Variants in MLLT10 observed in about 807,000 individuals in gnomAD.
MLLT10 encodes protein AF-10.
MLLT10 carries 30 observed loss-of-function variants against 129.1 expected under a neutral mutation model. The ratio of observed to expected loss-of-function variants is 0.23; its 90% CI spans 0.17 to 0.32. The LOEUF (loss-of-function observed/expected upper bound fraction) is 0.32. Ranked by LOEUF, MLLT10 falls within the 10% of genes least tolerant of loss-of-function variation. MLLT10 has a pLI of 1.00. For missense variants in MLLT10, 1,119 were observed against 1,268.3 expected (o/e 0.88, Z 1.79); for synonymous variants, 490 against 446.4 (o/e 1.10, Z -1.23).
chr10:21,586,577 A>AT (rs2042004867), intron 4 of MLLT10, among the ~76,000 whole-genome samples: 1 of 152,162 alleles, frequency 6.6e-6, no homozygotes. Flanking sequence ...TATTAAATAC[A>AT]TACTTCTAAT....
chr10:21,561,302 A>C (rs1184336302), intron 3 of MLLT10, among the ~76,000 whole-genome samples: 1 of 152,114 alleles, frequency 6.6e-6, no homozygotes, highest in Non-Finnish European at 1.5e-5. Flanking sequence ...GCTGGAGTGC[A>C]GTGGTGAGAT....
intron 3 of MLLT10, among the ~76,000 whole-genome samples, chr10:21,561,716 G>A (rs1255039412): frequency 1.3e-5 from 2 of 152,132 alleles, no homozygotes; most frequent in Non-Finnish European, 2.9e-5. Context: ...AATGATACTG[G>A]CACTTTTGTT....
intron 8 of MLLT10, among the ~76,000 whole-genome samples, chr10:21,635,425 C>T (rs2047364654): frequency 6.6e-6 from 1 of 152,060 alleles, no homozygotes; most frequent in African/African-American, 2.4e-5. Context: ...GGCTGGAGTG[C>T]AGTGGCATGA....
chr10:21,727,943 C>T lies in MLLT10; in HGVS notation c.2063+15C>T. 2 of 1,611,586 alleles carry T rather than the reference C, an allele frequency of 1.2e-6. No homozygotes were observed. Among genetic ancestry groups the T allele is most frequent in the Non-Finnish European group, 1.7e-6 (2 of 1,178,044 alleles). Reference sequence around the variant, plus strand: ...CTCTCGCCACGGTAAGCGCTATTTACACTGCAAAGTATAGGCAAAGGAAAC... The same window carrying T: ...CTCTCGCCACGGTAAGCGCTATTTATACTGCAAAGTATAGGCAAAGGAAAC... On this transcript the variant is annotated intron_variant, in intron 16 of 22. Coordinates refer to ENST00000307729, the MANE Select transcript of MLLT10 (RefSeq NM_001195626.3).
intron 3 of MLLT10, 111 bp from the exon 4 acceptor site, chr10:21,586,183 C>G (rs1242214951): frequency 2.4e-6 from 2 of 825,406 alleles, no homozygotes; most frequent in Non-Finnish European, 4.0e-6. Flanking sequence ...TGGGGGGCAA[C>G]TAGGACAAAT....
chr10:21,653,810 A>C (rs898791975), intron 9 of MLLT10, among the ~76,000 whole-genome samples: 29 of 152,218 alleles, frequency 1.9e-4, no homozygotes, highest in Admixed American at 1.7e-3. Context: ...TTCAGAAAAG[A>C]GGTCTCAACT....
At chr10:21,673,301 T>TAC in intron 10 of MLLT10, 49 bp from the exon 11 acceptor site, 1 of 237,942 alleles carries the variant, frequency 4.2e-6, no homozygotes, top group Non-Finnish European at 6.5e-6. Context: ...AATTTTTCTG[T>TAC]CCCCCCCACC....
chr10:21,676,869 C>G (rs2052216819), intron 11 of MLLT10, among the ~76,000 whole-genome samples: 1 of 149,856 alleles, frequency 6.7e-6, no homozygotes, highest in South Asian at 2.1e-4. Flanking sequence ...CATTTTAGGA[C>G]TTAGTGCAGA....
At chr10:21,582,308 T>G (rs149256362) in intron 3 of MLLT10, among the ~76,000 whole-genome samples, 2,669 of 151,876 alleles carry the variant, frequency 0.018, 87 homozygotes, top group African/African-American at 0.06. Context: ...TTAGTAGAGA[T>G]AGGGTTTCAC....
intron 5 of MLLT10, among the ~76,000 whole-genome samples, chr10:21,600,950 C>G (rs2043468094): frequency 6.6e-6 from 1 of 151,972 alleles, no homozygotes; most frequent in African/African-American, 2.4e-5. Context: ...TGCCACTCCC[C>G]TCTTCTTTTT....
Position 21,534,320 on chromosome 10 carries a change from C to CCA in MLLT10, c.-201_-200insCA. On this transcript the variant is annotated 5_prime_UTR_variant, in exon 1 of 23. Transcript: ENST00000307729. ...GCCCAGCGGGAGCCCCCCCTCCCCC[C>CCA]AGTGCGCCTGTGCGGAGGCCCTCTT... The CCA allele has an allele frequency of 2.6e-6, 1 of 389,242 alleles. No individual in the cohort carries two copies. The highest frequency in any genetic ancestry group is 4.6e-6 in the Non-Finnish European group (1 of 218,834). The allele number at this position is 389,242 out of a possible 1,614,324, so 24.1% of individuals were successfully genotyped here.
chr10:21,717,384 G>A (rs1180251930), intron 14 of MLLT10, among the ~76,000 whole-genome samples: 1 of 115,946 alleles, frequency 8.6e-6, no homozygotes, highest in East Asian at 3.0e-4. Flanking sequence ...GGAGATACTT[G>A]TAAAATTGGC....
intron 8 of MLLT10, among the ~76,000 whole-genome samples, chr10:21,648,095 T>G (rs2048673075): frequency 6.6e-6 from 1 of 152,200 alleles, no homozygotes; most frequent in Non-Finnish European, 1.5e-5. Flanking sequence ...GCCTTCTGAT[T>G]TGGAACCTCC....
rs1287307977 is a variant in MLLT10 at position 21,668,878 on chromosome 10, AC to A, written c.796-1569del. The A allele has an allele frequency of 2.6e-6, 3 of 1,141,236 alleles. No individual in the cohort carries two copies. In the East Asian group the frequency reaches 1.4e-4, roughly 55 times the overall value. 70.7% of individuals were successfully genotyped at this position (1,141,236 alleles called of 1,614,324 possible). On this transcript the variant is annotated intron_variant, in intron 9 of 22. Coordinates refer to ENST00000307729, the MANE Select transcript of MLLT10 (RefSeq NM_001195626.3). ...GAGCAAAAATACATGAGTGAAGAAC[AC>A]CACTGTGTTTTCTTAGATGACTTTT...
chr10:21,684,734 G>A (rs1332542828), intron 13 of MLLT10, among the ~76,000 whole-genome samples: 1 of 152,118 alleles, frequency 6.6e-6, no homozygotes, highest in Non-Finnish European at 1.5e-5. Flanking sequence ...GGACTTATGG[G>A]ATAACATTTA....
At chr10:21,586,381 T>C (rs754957132) in intron 4 of MLLT10, 33 bp downstream of exon 4, 1 of 1,459,870 alleles carries the variant, frequency 6.8e-7, no homozygotes, top group South Asian at 1.3e-5. Flanking sequence ...AAAAATTTTA[T>C]TGAAAACTGG....
intron 14 of MLLT10, among the ~76,000 whole-genome samples, chr10:21,714,969 AT>A (rs964098978): frequency 5.3e-5 from 8 of 151,804 alleles, no homozygotes; most frequent in African/African-American, 1.7e-4. Flanking sequence ...TTTCCAAAGT[AT>A]TTTTTTTATT....
intron 9 of MLLT10, among the ~76,000 whole-genome samples, chr10:21,656,806 T>C (rs989987710): frequency 2.0e-5 from 3 of 152,168 alleles, no homozygotes; most frequent in African/African-American, 7.2e-5. Context: ...TTCACTAAGA[T>C]TGTTATCAGA....
intron 8 of MLLT10, among the ~76,000 whole-genome samples, chr10:21,622,643 T>C (rs1186448184): frequency 6.6e-6 from 1 of 152,228 alleles, no homozygotes; most frequent in African/African-American, 2.4e-5. Flanking sequence ...CCTGTTAATG[T>C]TAGTTAATGT....
Sources: gnomAD v4.1 joint callset for allele counts (sites outside exome capture counted in the v4.1 genomes callset) on GRCh38, gnomAD v4.1.1 for gene constraint, MANE v1.5 for transcripts, NCBI Gene and HGNC (gene_info 2026-07-23, HGNC 2026-07-21) for gene names.